The following CDK10 variants were observed in gnomAD, a reference collection of about 807,000 sequenced individuals.
CDK10 encodes cyclin-dependent kinase 10.
CDK10 carries 55 observed loss-of-function variants against 51.0 expected under a neutral mutation model. The observed-to-expected ratio is 1.08, with a 90% confidence interval of 0.87 to 1.35. The LOEUF is 1.35. Ranked by LOEUF, CDK10 falls within the 40% of genes most tolerant of loss-of-function variation. The pLI is 0.00. For missense variants in CDK10, 589 were observed against 485.1 expected, an observed-to-expected ratio of 1.21 and a Z score of -2.01; for synonymous variants, 255 against 199.1, an observed-to-expected ratio of 1.28 and a Z score of -2.36.
At position 89,693,389 on chromosome 16, in the gene CDK10, C is replaced by T; in HGVS notation, c.539-9C>T. ...CACTTGGTGACACACACTCCCCTCTCTGCTGCAGCGGATTTCGGCCTGGCC... is the reference window on the plus strand; with the variant it reads ...CACTTGGTGACACACACTCCCCTCTTTGCTGCAGCGGATTTCGGCCTGGCC... On this transcript the variant is annotated splice_polypyrimidine_tract_variant and intron_variant, in intron 7 of 12. Coordinates refer to ENST00000353379, the MANE Select transcript of CDK10 (RefSeq NM_052988.5). The T allele has an allele frequency of 6.2e-7, 1 of 1,614,198 alleles. No homozygotes were observed. The highest frequency in any genetic ancestry group is 1.1e-5 in the South Asian group (1 of 91,080).
chr16:89,693,947 G>A, intron 8 of CDK10: 1 of 607,744 alleles, frequency 1.6e-6, no homozygotes, highest in Non-Finnish European at 2.9e-6. Context: ...TGTGCCGAGG[G>A]TCCGTGGTCC....
chr16:89,694,985 A>G lies in CDK10; in HGVS notation c.847A>G (p.Asn283Asp). 9 of 1,613,466 alleles carry G rather than the reference A, an allele frequency of 5.6e-6. No individual in the cohort carries two copies. Among genetic ancestry groups the G allele is most frequent in the Non-Finnish European group, 7.6e-6 (9 of 1,180,032 alleles). Residue 283 changes from asparagine to aspartate, a missense_variant, in exon 11 of 13, where the codon AAC becomes GAC. Asn to Asp is a conservative substitution (Grantham distance 23, BLOSUM62 1). Coordinates refer to ENST00000353379, the MANE Select transcript of CDK10 (RefSeq NM_052988.5). ...GQYSLRKQPY[N>D]NLKHKFPWLS... is the part of the protein sequence containing the mutation. ...GTACAGCCTCCGGAAGCAGCCCTAC[A>G]ACAACCTGAAGCACAAGTTCCCATG...
intron 4 of CDK10, 49 bp from the exon 5 acceptor site, chr16:89,691,757 C>T (rs745875761): frequency 6.4e-7 from 1 of 1,560,542 alleles, no homozygotes; most frequent in South Asian, 1.1e-5. Context: ...TCCACTTCCA[C>T]CCCTTAGGAG....
At position 89,696,326 on chromosome 16, in the gene CDK10, T is replaced by G; in HGVS notation, c.*634T>G. 5.0e-6 allele frequency: 1 copy of G among 198,070 alleles called. No individual in the cohort carries two copies. The highest frequency in any genetic ancestry group is 1.1e-4 in the South Asian group (1 of 8,948). The allele number at this position is 198,070 out of a possible 1,614,324, so 12.3% of individuals were successfully genotyped here. A position where few individuals can be genotyped will look rare whatever the true frequency, so the allele number is the denominator to read the frequency against. On this transcript the variant is annotated 3_prime_UTR_variant, in exon 13 of 13. Coordinates refer to ENST00000353379, the MANE Select transcript of CDK10 (RefSeq NM_052988.5). ...TCTGATGCTGAGCGAAGCTATAGGC[T>G]CTTGTTGGATAAAAGCTTTTTTAAC...
chr16:89,693,984 G>A (rs553850506), intron 8 of CDK10, 189 bp from the exon 9 acceptor site: 39 of 636,776 alleles, frequency 6.1e-5, no homozygotes, highest in South Asian at 4.4e-4. Flanking sequence ...ACCGCTGCAC[G>A]TGACAGCTCT....
At chr16:89,688,835 T>C (rs2060317535) in intron 1 of CDK10, among the ~76,000 whole-genome samples, 1 of 152,198 alleles carries the variant, frequency 6.6e-6, no homozygotes, top group Non-Finnish European at 1.5e-5. Context: ...GTACGGTGGC[T>C]CACGCTTGTA....
intron 3 of CDK10, 46 bp downstream of exon 3, chr16:89,690,670 A>G: frequency 3.3e-6 from 5 of 1,513,070 alleles, no homozygotes; most frequent in Non-Finnish European, 4.6e-6. Flanking sequence ...GGGAGGAGGC[A>G]GAAGGATGTG....
At chr16:89,688,840 C>T (rs1472070319) in intron 1 of CDK10, among the ~76,000 whole-genome samples, 1 of 152,232 alleles carries the variant, frequency 6.6e-6, no homozygotes, top group Admixed American at 6.5e-5. Flanking sequence ...GTGGCTCACG[C>T]TTGTAATCCC....
At chr16:89,690,749 T>G (rs1488435534) in intron 3 of CDK10, 125 bp downstream of exon 3, 1 of 827,624 alleles carries the variant, frequency 1.2e-6, no homozygotes, top group East Asian at 2.5e-5. Context: ...GGGAGGGTTC[T>G]GGTGTGGCCC....
Position 89,694,831 on chromosome 16 carries a change from G to A in CDK10, c.792+43G>A, listed in dbSNP as rs572450944. 10 of 1,172,482 alleles carry A rather than the reference G, an allele frequency of 8.5e-6. No individual in the cohort carries two copies. The Admixed American group carries it at 2.8e-4, about 33-fold the overall frequency. The allele number at this position is 1,172,482 out of a possible 1,614,324, so 72.6% of individuals were successfully genotyped here. ...ACCCGCAGCCCCCGCCCGTGCCCAC[G>A]CCCTCTGCGCCCGCAGCCCCCGCCC... On this transcript the variant is annotated intron_variant, in intron 10 of 12. Transcript: ENST00000353379.
rs2060219836 is a variant in CDK10, at chr16:89,686,993, A to C, written c.87+196A>C. 10 of 510,160 alleles carry C rather than the reference A, an allele frequency of 2.0e-5. No homozygotes were observed. In the South Asian group the frequency reaches 2.8e-4, roughly 14 times the overall value. 31.6% of individuals were successfully genotyped at this position (510,160 alleles called of 1,614,324 possible). A position where few individuals can be genotyped will look rare whatever the true frequency, so the allele number is the denominator to read the frequency against. ...GACCCCCGACAGCCGGTCCCTGGAG[A>C]TCTGAGGGGCCGGGGCGGGCTCAGG... On this transcript the variant is annotated intron_variant, in intron 1 of 12. Coordinates refer to ENST00000353379, the MANE Select transcript of CDK10 (RefSeq NM_052988.5).
At chr16:89,694,830 CG>C in intron 10 of CDK10, 42 bp downstream of exon 10, 33 of 1,182,348 alleles carry the variant, frequency 2.8e-5, no homozygotes, top group African/African-American at 5.3e-5. Context: ...CCCGTGCCCA[CG>C]CCCTCTGCGC....
In CDK10 at chr16:89,688,138, G is replaced by A. The variant is rs558786414; in HGVS notation, c.88-1114G>A. 4.3e-5 allele frequency among the ~76,000 whole-genome samples: 6 copies of A among 139,858 alleles called. No individual in the cohort carries two copies. In the Admixed American group the frequency reaches 4.7e-4, roughly 11 times the overall value. The allele number at this position is 139,858 out of a possible 152,430, so 91.8% of individuals were successfully genotyped here. The stretch of plus-strand genomic sequence containing the variant: ...ATTCTGTCACCCAGGCTGGAGTGCA[G>A]TGGCGCAGTCTCGGCTCACTGCAAG... On this transcript the variant is annotated intron_variant, in intron 1 of 12. Transcript: ENST00000353379.
intron 1 of CDK10, chr16:89,687,953 T>A (rs769042725): frequency 1.3e-5 from 3 of 231,964 alleles, no homozygotes; most frequent in African/African-American, 2.3e-5. Flanking sequence ...GGCTCACACC[T>A]GTAATCTCAG....
chr16:89,691,679 G>C, intron 4 of CDK10, 127 bp from the exon 5 acceptor site: 1 of 1,219,602 alleles, frequency 8.2e-7, no homozygotes. Context: ...CTCACCGCCT[G>C]GCTCAGCCCA....
At position 89,689,724 on chromosome 16, in the gene CDK10, C is replaced by A. The variant is rs2060357007; in HGVS notation, c.160+400C>A. On this transcript the variant is annotated intron_variant, in intron 2 of 12. Transcript: ENST00000353379. ...TTTTGAGATGGGTCTTGCTCTATTG[C>A]CCAGACTGGAGTGCAGTGGCATGAT... 2.8e-5 allele frequency: 5 copies of A among 181,476 alleles called. No homozygotes were observed. In the South Asian group the frequency reaches 5.0e-4, roughly 18 times the overall value. The allele number at this position is 181,476 out of a possible 1,614,324, so 11.2% of individuals were successfully genotyped here.
At chr16:89,694,377 T>A in intron 9 of CDK10, 145 bp downstream of exon 9, 1 of 953,024 alleles carries the variant, frequency 1.0e-6, no homozygotes, top group Non-Finnish European at 1.6e-6. Flanking sequence ...GAGGTGGGCC[T>A]GAGCCTGGAA....
Position 89,690,618 on chromosome 16 carries a change from AAGGATGGTG to A in CDK10, c.229_232+5del. On this transcript the variant is annotated splice_donor_variant and splice_donor_region_variant and coding_sequence_variant and intron_variant, in exon 3 of 13. Coordinates refer to ENST00000353379, the MANE Select transcript of CDK10 (RefSeq NM_052988.5). LOFTEE classifies it high-confidence loss of function. ...GAAGAAGGTGCGGATGGACAAGGAGAAGGATGGTGAGCAGGAAATTGGGGTGTTGGGACC... is the reference window on the plus strand; with the variant it reads ...GAAGAAGGTGCGGATGGACAAGGAGAAGCAGGAAATTGGGGTGTTGGGACC... 6.2e-7 allele frequency: 1 copy of A among 1,613,798 alleles called. No homozygotes were observed. The highest frequency in any genetic ancestry group is 8.5e-7 in the Non-Finnish European group (1 of 1,179,788).
intron 5 of CDK10, 167 bp downstream of exon 5, chr16:89,692,054 G>A (rs982814749): frequency 1.3e-5 from 8 of 639,492 alleles, no homozygotes; most frequent in African/African-American, 7.3e-5. Flanking sequence ...TGTGGTGGGG[G>A]CATCTGCTGG....
Sources: gnomAD v4.1 joint callset for allele counts (sites outside exome capture counted in the v4.1 genomes callset) on GRCh38, gnomAD v4.1.1 for gene constraint, MANE v1.5 for transcripts, NCBI Gene and HGNC (gene_info 2026-07-23, HGNC 2026-07-21) for gene names.